The following PCSK6 variants were observed in gnomAD, a reference collection of about 807,000 sequenced individuals.
PCSK6 encodes paired basic amino acid cleaving enzyme 4.
PCSK6 carries 85 observed loss-of-function variants against 123.3 expected under a neutral mutation model. The ratio of observed to expected loss-of-function variants is 0.69; its 90% CI spans 0.58 to 0.83. PCSK6 has a LOEUF of 0.83. Among genes scored for constraint, PCSK6 ranks in the 40% least tolerant of loss-of-function variants. The pLI is 0.00. For synonymous variants in PCSK6, 508 were observed against 516.0 expected (o/e 0.98, Z 0.21); for missense variants, 1,191 against 1,282.3 (o/e 0.93, Z 1.09).
chr15:101,464,693 C>T (rs1462027054), intron 1 of PCSK6, among the ~76,000 whole-genome samples: 1 of 152,170 alleles, frequency 6.6e-6, no homozygotes, highest in Non-Finnish European at 1.5e-5. Flanking sequence ...GAGGGATCTA[C>T]TGCGTGACAC....
intron 1 of PCSK6, among the ~76,000 whole-genome samples, chr15:101,450,030 C>G (rs2056992916): frequency 6.6e-6 from 1 of 152,136 alleles, no homozygotes; most frequent in Admixed American, 6.5e-5. Flanking sequence ...ACACTGCACC[C>G]TCGCCATCCT....
intron 2 of PCSK6, among the ~76,000 whole-genome samples, chr15:101,433,307 G>A (rs917870822): frequency 2.0e-5 from 3 of 152,314 alleles, no homozygotes; most frequent in Admixed American, 6.5e-5. Context: ...TTATCATCCC[G>A]TGTACACATT....
At chr15:101,411,546 A>C (rs2055686365) in intron 6 of PCSK6, among the ~76,000 whole-genome samples, 1 of 152,168 alleles carries the variant, frequency 6.6e-6, no homozygotes, top group Non-Finnish European at 1.5e-5. Context: ...GACGACCAAG[A>C]AGCAGCCCAT....
chr15:101,350,767 C>T (rs2040868953), intron 13 of PCSK6, among the ~76,000 whole-genome samples: 1 of 152,196 alleles, frequency 6.6e-6, no homozygotes, highest in South Asian at 2.1e-4. Flanking sequence ...CTTGGTCCTG[C>T]AATGAATACG....
intron 1 of PCSK6, among the ~76,000 whole-genome samples, chr15:101,471,356 T>C (rs1286272255): frequency 8.9e-6 from 1 of 112,348 alleles, no homozygotes; most frequent in Admixed American, 9.4e-5. Context: ...TCCACAAAAA[T>C]ACCTTTCTCC....
At chr15:101,396,847 G>A (rs192372025) in intron 7 of PCSK6, among the ~76,000 whole-genome samples, 9 of 152,264 alleles carry the variant, frequency 5.9e-5, no homozygotes, top group Non-Finnish European at 8.8e-5. Context: ...TGTCTACACC[G>A]CCCCTCTTCC....
chr15:101,314,224 C>G (rs961982056), intron 19 of PCSK6, among the ~76,000 whole-genome samples: 1 of 152,090 alleles, frequency 6.6e-6, no homozygotes, highest in Non-Finnish European at 1.5e-5. Flanking sequence ...CAAAGGGCCA[C>G]GAGTCATGGA....
intron 11 of PCSK6, among the ~76,000 whole-genome samples, chr15:101,379,100 C>T (rs183137030): frequency 2.0e-4 from 31 of 152,314 alleles, no homozygotes; most frequent in South Asian, 8.3e-4. Context: ...TGCAGTCATT[C>T]GGGGCCCTGG....
chr15:101,385,410 C>T (rs182979405), intron 9 of PCSK6, among the ~76,000 whole-genome samples: 23 of 152,272 alleles, frequency 1.5e-4, no homozygotes, highest in South Asian at 6.2e-4. Context: ...CAACCAGGAA[C>T]GGGTTACATT....
chr15:101,342,894 T>A (rs1291372300), intron 13 of PCSK6, among the ~76,000 whole-genome samples: 1 of 144,634 alleles, frequency 6.9e-6, no homozygotes, highest in East Asian at 2.0e-4. Context: ...AGAGTGAGAC[T>A]CCGTCTCAAA....
At chr15:101,395,097 C>T (rs747536) in intron 7 of PCSK6, among the ~76,000 whole-genome samples, 47,971 of 152,190 alleles carry the variant, frequency 0.32, 8,858 homozygotes, top group Non-Finnish European at 0.41. Context: ...AGAGCCTGTC[C>T]TTATTCCAGG....
intron 16 of PCSK6, 109 bp downstream of exon 16, chr15:101,326,268 T>TGGGGGG: frequency 1.3e-6 from 1 of 775,728 alleles, no homozygotes; most frequent in South Asian, 1.8e-5. Context: ...GATGATTGTT[T>TGGGGGG]GGGGGTGCTA....
chr15:101,474,754 A>G (rs952547224), intron 1 of PCSK6, among the ~76,000 whole-genome samples: 2 of 152,020 alleles, frequency 1.3e-5, no homozygotes, highest in Non-Finnish European at 2.9e-5. Flanking sequence ...AGGAGGCTGC[A>G]CCCTACTCAG....
chr15:101,365,512 G>C (rs1391566943), intron 13 of PCSK6, among the ~76,000 whole-genome samples: 1 of 152,130 alleles, frequency 6.6e-6, no homozygotes, highest in South Asian at 2.1e-4. Flanking sequence ...TCCTCAAAAC[G>C]TTCAACATAG....
intron 6 of PCSK6, among the ~76,000 whole-genome samples, chr15:101,400,468 C>T (rs2042555831): frequency 1.3e-5 from 2 of 152,304 alleles, no homozygotes; most frequent in South Asian, 2.1e-4. Context: ...GTAGTGCATA[C>T]TCAAAAGCAG....
chr15:101,306,154 C>T (rs1357777752), intron 21 of PCSK6, among the ~76,000 whole-genome samples: 5 of 151,944 alleles, frequency 3.3e-5, no homozygotes, highest in Admixed American at 6.6e-5. Context: ...GGAAGGGAGC[C>T]GCCGTGGACA....
rs143529146 is a variant in PCSK6 at position 101,432,498 on chromosome 15, G to A, written c.403-398C>T. Among the ~76,000 whole-genome samples, 932 of 151,656 alleles carry A rather than the reference G, an allele frequency of 6.1e-3. 8 individuals are homozygous for A. The highest frequency in any genetic ancestry group is 0.021 in the African/African-American group (862 of 41,340). On this transcript the variant is annotated intron_variant, in intron 2 of 21. Coordinates refer to ENST00000611716, the MANE Select transcript of PCSK6 (RefSeq NM_002570.5). ...AAAAAATCTAGCTGGGCATGATGGC[G>A]CATGCCTGTAGTCCCAGCTCCTCAG...
intron 1 of PCSK6, among the ~76,000 whole-genome samples, chr15:101,458,758 G>A (rs1200227804): frequency 1.3e-5 from 2 of 151,980 alleles, no homozygotes; most frequent in Non-Finnish European, 2.9e-5. Flanking sequence ...AATCATTCAC[G>A]CTCTCTGCGA....
intron 6 of PCSK6, among the ~76,000 whole-genome samples, chr15:101,420,193 A>C (rs1397253847): frequency 7.1e-6 from 1 of 141,124 alleles, no homozygotes; most frequent in Non-Finnish European, 1.6e-5. Flanking sequence ...TCTGTCTCAA[A>C]AAAAAAAAAA....
Sources: allele counts gnomAD v4.1 joint callset (sites outside exome capture counted in the v4.1 genomes callset), GRCh38; gene constraint gnomAD v4.1.1; transcripts MANE v1.5; gene names NCBI Gene and HGNC (gene_info 2026-07-23, HGNC 2026-07-21).